The following NKAIN4 variants were observed in gnomAD, a reference collection of about 807,000 sequenced individuals.
The protein encoded by NKAIN4 is sodium/potassium-transporting ATPase subunit beta-1-interacting protein 4.
A neutral mutation model predicts 28.8 loss-of-function variants in NKAIN4; 28 were observed. That is an observed-to-expected ratio of 0.97 (90% CI 0.72 to 1.33). The LOEUF is 1.33. Among genes scored for constraint, NKAIN4 ranks in the 40% most tolerant of loss-of-function variants. The probability of loss-of-function intolerance (pLI) is 0.00; values close to 1 mark genes in which losing one functional copy is unlikely to be tolerated. For synonymous variants in NKAIN4, 122 were observed against 115.6 expected (o/e 1.06, Z -0.36); for missense variants, 289 against 277.2 (o/e 1.04, Z -0.30).
chr20:63,246,600 G>A, intron 4 of NKAIN4: 1 of 985,322 alleles, frequency 1.0e-6, no homozygotes, highest in Non-Finnish European at 1.2e-6. Context: ...CGGCCATGGA[G>A]CCTCGCTCCT....
intron 4 of NKAIN4, chr20:63,244,508 G>T (rs927148940): frequency 1.9e-5 from 9 of 474,360 alleles, no homozygotes; most frequent in African/African-American, 1.6e-4. Flanking sequence ...GCCACCAGGG[G>T]TTCCTCCTCC....
In NKAIN4 at chr20:63,245,090, C is replaced by T. The variant is rs978867968; in HGVS notation, c.472-1006G>A. Among the ~76,000 whole-genome samples, 3 of 152,154 alleles carry T rather than the reference C, an allele frequency of 2.0e-5. No individual in the cohort carries two copies. Among genetic ancestry groups the T allele is most frequent in the Non-Finnish European group, 2.9e-5 (2 of 68,026 alleles). ...CCCAGGGCTGGACATGCTTGGGCTC[C>T]GTCCCCCCGACCCCCGACCCCATCT... On this transcript the variant is annotated intron_variant, in intron 4 of 6. Coordinates refer to ENST00000370316, the MANE Select transcript of NKAIN4 (RefSeq NM_152864.4). The surrounding 1 kb of genome is among the most constrained non-coding windows in gnomAD (Gnocchi z 4.7).
chr20:63,243,798 G>T (rs1448358013), intron 5 of NKAIN4: 2 of 469,702 alleles, frequency 4.3e-6, no homozygotes, highest in East Asian at 3.6e-5. Flanking sequence ...TCCTTGGACC[G>T]GGGGGCAGCT....
intron 2 of NKAIN4, 24 bp downstream of exon 2, chr20:63,249,911 A>C: frequency 6.3e-7 from 1 of 1,597,766 alleles, no homozygotes; most frequent in Non-Finnish European, 8.5e-7. Flanking sequence ...CCTGCCCATA[A>C]AGAGGGCCGG....
At chr20:63,253,345 A>C in intron 1 of NKAIN4, 5 of 985,368 alleles carry the variant, frequency 5.1e-6, no homozygotes, top group Non-Finnish European at 6.0e-6. Flanking sequence ...TCCTTCCTGC[A>C]GGAAGGACAC....
chr20:63,248,912 A>T lies in NKAIN4; in HGVS notation c.193-17T>A. On this transcript the variant is annotated splice_polypyrimidine_tract_variant and intron_variant, in intron 2 of 6. Coordinates refer to ENST00000370316, the MANE Select transcript of NKAIN4 (RefSeq NM_152864.4). Reference sequence around the variant, plus strand: ...CAGCGTGTACTAGGGAGAGGAGAGGATGGGGCGGCAGCTGAACACAGCTCC... The same window carrying T: ...CAGCGTGTACTAGGGAGAGGAGAGGTTGGGGCGGCAGCTGAACACAGCTCC... 1 of 1,593,534 alleles carries T rather than the reference A, an allele frequency of 6.3e-7. No homozygotes were observed. Among genetic ancestry groups the T allele is most frequent in the South Asian group, 1.1e-5 (1 of 90,654 alleles).
At position 63,249,944 on chromosome 20, in the gene NKAIN4, A is replaced by G. The variant is rs927081; in HGVS notation, c.183T>C (p.Tyr61=). 0.57 allele frequency: 925,714 copies of G among 1,612,418 alleles called. 269,220 individuals carry two copies. Among genetic ancestry groups the G allele is most frequent in the East Asian group, 0.86 (38,647 of 44,856 alleles). ...CGGGCCCAGGACTCACCACCATGACATAGCGCAGCCGGTACTGGATGGTGC... is the reference window on the plus strand; with the variant it reads ...CGGGCCCAGGACTCACCACCATGACGTAGCGCAGCCGGTACTGGATGGTGC... The part of the protein sequence containing the change: ...LFGTIQYRLR[Y]VMVYTLWAAV... The change falls in exon 2 of 7, where the codon TAT becomes TAC. Residue 61 remains tyrosine, a synonymous_variant. Coordinates refer to ENST00000370316, the MANE Select transcript of NKAIN4 (RefSeq NM_152864.4).
intron 1 of NKAIN4, among the ~76,000 whole-genome samples, chr20:63,253,766 C>A (rs997001730): frequency 2.0e-5 from 3 of 152,182 alleles, no homozygotes; most frequent in Non-Finnish European, 4.4e-5. Context: ...ACCGAAGACG[C>A]CCGCGCTGCG....
chr20:63,241,265 T>G lies in NKAIN4; in HGVS notation c.*232A>C. 1 of 177,904 alleles carries G rather than the reference T, an allele frequency of 5.6e-6. No homozygotes were observed. Among genetic ancestry groups the G allele is most frequent in the Non-Finnish European group, 1.2e-5 (1 of 86,608 alleles). 11.0% of individuals were successfully genotyped at this position (177,904 alleles called of 1,614,324 possible). On this transcript the variant is annotated 3_prime_UTR_variant, in exon 7 of 7. Transcript: ENST00000370316. ...CTTTTCTTTTGTATGTTTTCTTTTC[T>G]TTTTTTTTTTTAAGAGAAAGGAAAT...
At chr20:63,248,486 G>T in intron 3 of NKAIN4, 1 of 266,298 alleles carries the variant, frequency 3.8e-6, no homozygotes, top group Non-Finnish European at 7.5e-6. Flanking sequence ...AGGACCCCAC[G>T]TGGCCCCAGG....
intron 1 of NKAIN4, chr20:63,254,146 C>G: frequency 2.3e-6 from 1 of 435,090 alleles, no homozygotes; most frequent in Non-Finnish European, 4.1e-6. Context: ...GCACCTGTCC[C>G]CGCCGCTCCG....
intron 1 of NKAIN4, chr20:63,253,151 C>T (rs1568714455): frequency 2.1e-6 from 2 of 957,250 alleles, no homozygotes; most frequent in Non-Finnish European, 2.5e-6. Flanking sequence ...CTTGCTCTCC[C>T]CATTCCTGCT....
chr20:63,244,359 G>T lies in NKAIN4; in HGVS notation c.472-275C>A, dbSNP rs144980052. On this transcript the variant is annotated intron_variant, in intron 4 of 6. Coordinates refer to ENST00000370316, the MANE Select transcript of NKAIN4 (RefSeq NM_152864.4). ...ATAATGGATATTGGGTGGGGAAGAT[G>T]AGCAGGTCAGCCTGAGTGGCTGCAG... 60 of 537,232 alleles carry T rather than the reference G, an allele frequency of 1.1e-4. No homozygotes were observed. In the East Asian group the frequency reaches 2.3e-3, roughly 21 times the overall value. 33.3% of individuals were successfully genotyped at this position (537,232 alleles called of 1,614,324 possible). A position where few individuals can be genotyped will look rare whatever the true frequency, so the allele number is the denominator to read the frequency against.
At chr20:63,253,277 G>C (rs925012075) in intron 1 of NKAIN4, 1 of 985,216 alleles carries the variant, frequency 1.0e-6, no homozygotes, top group African/African-American at 1.7e-5. Flanking sequence ...CCTGTTGCAG[G>C]ACCTCAGGTT....
intron 1 of NKAIN4, chr20:63,253,085 G>C: frequency 2.4e-6 from 1 of 417,882 alleles, no homozygotes; most frequent in Non-Finnish European, 3.2e-6. Context: ...CGTCCAGGCT[G>C]GTGCCTGTCC....
At chr20:63,249,390 G>A (rs559652513) in intron 2 of NKAIN4, 65 of 191,682 alleles carry the variant, frequency 3.4e-4, no homozygotes, top group Admixed American at 2.9e-3. Context: ...ACGGGCCACA[G>A]CACCTAAGGT....
At chr20:63,253,509 G>A (rs1417941146) in intron 1 of NKAIN4, 10 of 985,472 alleles carry the variant, frequency 1.0e-5, no homozygotes, top group Non-Finnish European at 1.2e-5. Context: ...AGGAGGAGGG[G>A]GGCGCGCGGT....
intron 4 of NKAIN4, among the ~76,000 whole-genome samples, chr20:63,246,109 T>C (rs1396512686): frequency 2.6e-5 from 4 of 152,128 alleles, no homozygotes; most frequent in African/African-American, 9.7e-5. Flanking sequence ...TTTGTATTTT[T>C]AGTAGAGACA....
In NKAIN4 at chr20:63,249,135, A is replaced by G. The variant is rs907580387; in HGVS notation, c.193-240T>C. ...ATGAGGCGGTGGGACAGCCAGCTCA[A>G]GGGAGCCCCAGCGCAGGTCGGCGTA... On this transcript the variant is annotated intron_variant, in intron 2 of 6. Coordinates refer to ENST00000370316, the MANE Select transcript of NKAIN4 (RefSeq NM_152864.4). 1.7e-5 allele frequency: 9 copies of G among 521,500 alleles called. No homozygotes were observed. In the Admixed American group the frequency reaches 2.8e-4, roughly 16 times the overall value. The allele number at this position is 521,500 out of a possible 1,614,324, so 32.3% of individuals were successfully genotyped here. A position where few individuals can be genotyped will look rare whatever the true frequency, so the allele number is the denominator to read the frequency against.
Sources: gnomAD v4.1 joint callset for allele counts (sites outside exome capture counted in the v4.1 genomes callset) on GRCh38, gnomAD v4.1.1 for gene constraint, Gnocchi (gnomAD v3.1) non-coding constraint, MANE v1.5 for transcripts, NCBI Gene and HGNC (gene_info 2026-07-23, HGNC 2026-07-21) for gene names.